FHIT: variants seen among roughly 807,000 people sequenced by gnomAD.
FHIT encodes the protein fragile histidine triad diadenosine triphosphatase, also known as bis(5'-adenosyl)-triphosphatase.
FHIT carries 19 observed loss-of-function variants against 17.9 expected under a neutral mutation model. That is an observed-to-expected ratio of 1.06 (90% CI 0.74 to 1.56). FHIT has a LOEUF of 1.56. FHIT is among the 40% of genes most tolerant of loss of function. The pLI is 0.00. For missense variants in FHIT, 248 were observed against 189.2 expected (o/e 1.31, Z -1.82); for synonymous variants, 81 against 69.7 (o/e 1.16, Z -0.81).
At chr3:59,758,500 T>C (rs1374446615) in intron 8 of FHIT, among the ~76,000 whole-genome samples, 2 of 152,318 alleles carry the variant, frequency 1.3e-5, no homozygotes, top group Admixed American at 6.5e-5. Context: ...CTTTGAATCT[T>C]ACTGAGAGAA....
At chr3:60,361,055 GT>G (rs1275768492) in intron 5 of FHIT, among the ~76,000 whole-genome samples, 3 of 152,098 alleles carry the variant, frequency 2.0e-5, no homozygotes, top group African/African-American at 7.2e-5. Flanking sequence ...ATACATCCTG[GT>G]GATGGCTCCC....
chr3:60,430,366 GTA>G, intron 5 of FHIT, among the ~76,000 whole-genome samples: 1 of 152,030 alleles, frequency 6.6e-6, no homozygotes, highest in South Asian at 2.1e-4. Flanking sequence ...AACCACAGAA[GTA>G]TAATACAGAA....
At chr3:61,126,767 G>A (rs966181603) in intron 2 of FHIT, among the ~76,000 whole-genome samples, 39 of 152,186 alleles carry the variant, frequency 2.6e-4, no homozygotes, top group African/African-American at 8.4e-4. Context: ...CGGAAGGAGC[G>A]TGGGGAGAGT....
intron 3 of FHIT, among the ~76,000 whole-genome samples, chr3:60,902,791 C>T (rs1039017407): frequency 2.0e-4 from 31 of 152,162 alleles, no homozygotes; most frequent in African/African-American, 7.5e-4. Context: ...GTAGACCTGT[C>T]AGTTACATGA....
chr3:61,056,703 C>G (rs545636562), intron 2 of FHIT, among the ~76,000 whole-genome samples: 1 of 152,270 alleles, frequency 6.6e-6, no homozygotes, highest in East Asian at 1.9e-4. Flanking sequence ...CTTTTTCAAA[C>G]TGGGGTCTCT....
chr3:60,982,427 ATAAAGTGAGATACAACG>A (rs1412326622), intron 3 of FHIT, among the ~76,000 whole-genome samples: 1 of 152,240 alleles, frequency 6.6e-6, no homozygotes, highest in African/African-American at 2.4e-5. Flanking sequence ...ATTATTAGAA[ATAAAGTGAGATACAACG>A]TATACAGTGC....
intron 2 of FHIT, among the ~76,000 whole-genome samples, chr3:61,064,884 G>A (rs1346017880): frequency 6.6e-6 from 1 of 152,156 alleles, no homozygotes; most frequent in Non-Finnish European, 1.5e-5. Flanking sequence ...ATGTGCCCAA[G>A]TCTAACACTT....
intron 3 of FHIT, among the ~76,000 whole-genome samples, chr3:60,875,051 C>T (rs1704584433): frequency 6.6e-6 from 1 of 152,090 alleles, no homozygotes; most frequent in African/African-American, 2.4e-5. Flanking sequence ...AGTAGATGCT[C>T]AGCAATGTTC....
chr3:59,883,856 T>A (rs1347060998), intron 8 of FHIT, among the ~76,000 whole-genome samples: 1 of 152,208 alleles, frequency 6.6e-6, no homozygotes, highest in Middle Eastern at 3.2e-3. Context: ...AAAAGCATAT[T>A]GTGTCAATAG....
intron 5 of FHIT, among the ~76,000 whole-genome samples, chr3:60,087,822 C>G (rs1233828684): frequency 6.6e-6 from 1 of 152,168 alleles, no homozygotes; most frequent in Non-Finnish European, 1.5e-5. Flanking sequence ...TCAACACTTT[C>G]CCTTGTCTTT....
intron 5 of FHIT, among the ~76,000 whole-genome samples, chr3:60,191,650 A>T (rs1702408880): frequency 6.6e-6 from 1 of 152,194 alleles, no homozygotes; most frequent in African/African-American, 2.4e-5. Context: ...GAATTAATCA[A>T]CAAATGTTAT....
At chr3:60,581,983 T>C (rs1159272813) in intron 4 of FHIT, among the ~76,000 whole-genome samples, 19 of 152,018 alleles carry the variant, frequency 1.2e-4, no homozygotes, top group African/African-American at 4.3e-4. Flanking sequence ...GCAAACACCA[T>C]TGCAATGTGA....
intron 5 of FHIT, among the ~76,000 whole-genome samples, chr3:60,137,735 G>C (rs1368377699): frequency 7.1e-6 from 1 of 140,798 alleles, no homozygotes; most frequent in Admixed American, 6.9e-5. Context: ...TATCACTTCA[G>C]ACAAGTCAGC....
At chr3:59,968,285 G>A (rs1442308018) in intron 7 of FHIT, among the ~76,000 whole-genome samples, 1 of 152,018 alleles carries the variant, frequency 6.6e-6, no homozygotes, top group Non-Finnish European at 1.5e-5. Context: ...GTTTCGATAT[G>A]ATTTCACAAT....
intron 5 of FHIT, among the ~76,000 whole-genome samples, chr3:60,222,489 C>T (rs1576330332): frequency 6.6e-6 from 1 of 152,204 alleles, no homozygotes; most frequent in East Asian, 1.9e-4. Flanking sequence ...GTGGTTCTTG[C>T]CATTAAAAGT....
chr3:60,831,568 T>C (rs1702327662), intron 3 of FHIT, among the ~76,000 whole-genome samples: 1 of 152,156 alleles, frequency 6.6e-6, no homozygotes, highest in South Asian at 2.1e-4. Context: ...AGAGTTCGGG[T>C]TGTACCTCTG....
At chr3:59,970,666 G>A (rs1708133799) in intron 7 of FHIT, among the ~76,000 whole-genome samples, 1 of 151,996 alleles carries the variant, frequency 6.6e-6, no homozygotes, top group Non-Finnish European at 1.5e-5. Flanking sequence ...TTTCAAACGA[G>A]CAGCATATGC....
intron 4 of FHIT, chr3:60,690,532 T>G: frequency 1.8e-6 from 1 of 558,890 alleles, no homozygotes; most frequent in Non-Finnish European, 3.6e-6. Context: ...GTCACCACCC[T>G]GACATACAAA....
rs1415193026 is a variant in FHIT at position 60,377,454 on chromosome 3, G to C, written c.103+159406C>G. 3.8e-5 allele frequency among the ~76,000 whole-genome samples: 5 copies of C among 132,554 alleles called. No homozygotes were observed. In the East Asian group the frequency reaches 1.1e-3, roughly 30 times the overall value. The allele number at this position is 132,554 out of a possible 152,430, so 87.0% of individuals were successfully genotyped here. On this transcript the variant is annotated intron_variant, in intron 5 of 9. Coordinates refer to ENST00000492590, the MANE Select transcript of FHIT (RefSeq NM_002012.4). The stretch of plus-strand genomic sequence containing the variant: ...TTACAGGCCTGATCCACCATGCCCA[G>C]CCAAGAATTCTTTTTTTTTTTTTTT...
Sources: gnomAD v4.1 joint callset for allele counts (sites outside exome capture counted in the v4.1 genomes callset) on GRCh38, gnomAD v4.1.1 for gene constraint, MANE v1.5 for transcripts, NCBI Gene and HGNC (gene_info 2026-07-23, HGNC 2026-07-21) for gene names.